CEP250: variants seen among roughly 807,000 people sequenced by gnomAD.
The protein encoded by CEP250 is centrosome-associated protein CEP250.
CEP250 carries 242 observed loss-of-function variants against 315.7 expected under a neutral mutation model. The observed-to-expected ratio is 0.77, with a 90% CI of 0.69 to 0.85. CEP250 has a LOEUF of 0.85. Ranked by LOEUF, CEP250 falls within the 40% of genes least tolerant of loss-of-function variation. The probability of loss-of-function intolerance (pLI) is 0.00; values close to 1 mark genes in which losing one functional copy is unlikely to be tolerated. For synonymous variants in CEP250, 1,088 were observed against 1,175.0 expected (o/e 0.93, Z 1.51); for missense variants, 2,515 against 2,886.4 (o/e 0.87, Z 2.95).
chr20:35,469,817 G>A (rs2062979533), intron 9 of CEP250, 73 bp from the exon 10 acceptor site: 3 of 968,274 alleles, frequency 3.1e-6, no homozygotes, highest in Non-Finnish European at 4.7e-6. Context: ...GGCTGGGGCT[G>A]GGGTGTGCTG....
rs2064431278 is a variant in CEP250 at position 35,515,918 on chromosome 20, G to C, written c.*4292G>C. The C allele has an allele frequency of 6.6e-6, 1 of 152,274 alleles. No individual in the cohort carries two copies. The highest frequency in any genetic ancestry group is 1.5e-5 in the Non-Finnish European group (1 of 68,068). The allele number at this position is 152,274 out of a possible 1,614,324, so 9.4% of individuals were successfully genotyped here. The stretch of plus-strand genomic sequence containing the variant: ...TTACTCCCTCTACCCTGCTGGAGGT[G>C]AGGATGAGAGGTGAGACTTCGTTGG... On this transcript the variant is annotated 3_prime_UTR_variant, in exon 35 of 35. Coordinates refer to ENST00000397527, the MANE Select transcript of CEP250 (RefSeq NM_007186.6).
intron 3 of CEP250, among the ~76,000 whole-genome samples, chr20:35,460,994 A>G (rs1568751037): frequency 6.6e-6 from 1 of 152,240 alleles, no homozygotes; most frequent in Admixed American, 6.5e-5. Context: ...CTCTGTGTAT[A>G]TAGCTATAAA....
chr20:35,467,111 C>T, intron 8 of CEP250, 39 bp downstream of exon 8: 1 of 1,385,624 alleles, frequency 7.2e-7, no homozygotes. Flanking sequence ...TTTGCCCCTA[C>T]CAATTCTGGA....
intron 22 of CEP250, among the ~76,000 whole-genome samples, chr20:35,492,868 C>T (rs576288756): frequency 2.0e-5 from 3 of 152,216 alleles, no homozygotes; most frequent in East Asian, 1.9e-4. Context: ...GCTGGGATTA[C>T]AGGTGCCCGC....
chr20:35,489,834 C>T (rs889117302), intron 20 of CEP250, among the ~76,000 whole-genome samples: 7 of 152,138 alleles, frequency 4.6e-5, no homozygotes, highest in Admixed American at 6.5e-5. Flanking sequence ...CAGAATTGGC[C>T]GCCTCAGTTC....
At chr20:35,462,595 C>G in intron 4 of CEP250, 42 bp downstream of exon 4, 1 of 1,524,906 alleles carries the variant, frequency 6.6e-7, no homozygotes, top group Non-Finnish European at 8.9e-7. Flanking sequence ...GAGAACAACC[C>G]CCAGAGCTAG....
chr20:35,462,593 C>A (rs1412515765), intron 4 of CEP250, 40 bp downstream of exon 4: 2 of 1,525,416 alleles, frequency 1.3e-6, no homozygotes, highest in East Asian at 2.4e-5. Context: ...AAGAGAACAA[C>A]CCCCAGAGCT....
intron 29 of CEP250, 135 bp downstream of exon 29, chr20:35,502,101 C>A: frequency 9.3e-7 from 1 of 1,073,100 alleles, no homozygotes; most frequent in Non-Finnish European, 1.3e-6. Flanking sequence ...TCCCTGGGGG[C>A]CATTATTCAG....
At chr20:35,477,487 T>C (rs1276882706) in intron 16 of CEP250, among the ~76,000 whole-genome samples, 7 of 152,214 alleles carry the variant, frequency 4.6e-5, no homozygotes, top group Non-Finnish European at 8.8e-5. Context: ...TTGGGTGAGA[T>C]AATAGCAATC....
At position 35,501,953 on chromosome 20, in the gene CEP250, G is replaced by T. The variant is rs767741329; in HGVS notation, c.4007G>T (p.Arg1336Leu). The T allele has an allele frequency of 1.2e-6, 2 of 1,612,442 alleles. No homozygotes were observed. The highest frequency in any genetic ancestry group is 1.7e-6 in the Non-Finnish European group (2 of 1,179,924). ...CGCCTGCGGAGAGCAGAGCTACAGC[G>T]AATGGAAGCCCAGGTAAAGTGGTAC... ...QSRLRRAELQ[R>L]MEAQGERELL... The change falls in exon 29 of 35, where the codon CGA (arginine) becomes CTA (leucine). Residue 1336 changes from arginine (R) to leucine (L), a missense_variant. Transcript: ENST00000397527.
At position 35,473,858 on chromosome 20, in the gene CEP250, C is replaced by T. The variant is rs1307996843; in HGVS notation, c.1389-12C>T. 2 of 1,604,912 alleles carry T rather than the reference C, an allele frequency of 1.2e-6. No homozygotes were observed. The highest frequency in any genetic ancestry group is 2.7e-5 in the African/African-American group (2 of 74,294). On this transcript the variant is annotated splice_polypyrimidine_tract_variant and intron_variant, in intron 13 of 34. Transcript: ENST00000397527. ...CTATGGTCTCTGCTCATCTCTGATT[C>T]CCTTCTTCCAGGGAGCGAGAGCTGC... is the stretch of plus-strand genomic sequence containing the variant.
intron 17 of CEP250, among the ~76,000 whole-genome samples, chr20:35,478,682 C>T (rs938612392): frequency 1.3e-5 from 2 of 152,186 alleles, no homozygotes; most frequent in African/African-American, 4.8e-5. Context: ...TACCACATTC[C>T]TCATGCTATA....
At chr20:35,479,096 G>C in intron 17 of CEP250, 135 bp from the exon 18 acceptor site, 1 of 773,974 alleles carries the variant, frequency 1.3e-6, no homozygotes, top group Non-Finnish European at 2.1e-6. Context: ...TAAATGCCAC[G>C]TGCTATTGGG....
In CEP250 at chr20:35,513,488, C is replaced by T. The variant is rs1419232824; in HGVS notation, c.*1862C>T. 6.6e-6 allele frequency: 1 copy of T among 152,164 alleles called. No individual in the cohort carries two copies. The highest frequency in any genetic ancestry group is 1.5e-5 in the Non-Finnish European group (1 of 68,044). The allele number at this position is 152,164 out of a possible 1,614,324, so 9.4% of individuals were successfully genotyped here. On this transcript the variant is annotated 3_prime_UTR_variant, in exon 35 of 35. Coordinates refer to ENST00000397527, the MANE Select transcript of CEP250 (RefSeq NM_007186.6). Reference sequence around the variant, plus strand: ...GATCAGGCTGGTCTCGAACTCCCGACCTCAGGTGATCCACCCACCTCGGCC... The same window carrying T: ...GATCAGGCTGGTCTCGAACTCCCGATCTCAGGTGATCCACCCACCTCGGCC...
rs763398872 is a variant in CEP250 at position 35,467,350 on chromosome 20, CTGTTGACCTGT to C, written c.650_660del (p.Leu217SerfsTer42). The stretch of plus-strand genomic sequence containing the variant: ...TGAGCATGTGAGGCTTTCAGGGTCT[CTGTTGACCTGT>C]TGTCTGCGCTTGACTGTGGGAGCAC... On this transcript the variant is annotated frameshift_variant, in exon 9 of 35. Coordinates refer to ENST00000397527, the MANE Select transcript of CEP250 (RefSeq NM_007186.6). LOFTEE classifies it high-confidence loss of function. 1 of 1,614,190 alleles carries C rather than the reference CTGTTGACCTGT, an allele frequency of 6.2e-7. No homozygotes were observed. Among genetic ancestry groups the C allele is most frequent in the Non-Finnish European group, 8.5e-7 (1 of 1,180,022 alleles).
intron 25 of CEP250, 58 bp downstream of exon 25, chr20:35,496,773 G>A (rs556076600): frequency 1.4e-5 from 22 of 1,565,262 alleles, no homozygotes; most frequent in African/African-American, 6.8e-5. Flanking sequence ...ATTCTGAAGC[G>A]GTGGATTGAT....
At position 35,504,642 on chromosome 20, in the gene CEP250, C is replaced by T. The variant is rs1411211897; in HGVS notation, c.6273C>T (p.Gly2091=). ...GQEREEEEIR[G]LHQSVRELQL... is the part of the protein sequence containing the mutation. ...AGAGAGAAGAGGAGGAGATAAGGGGCCTTCATCAGAGTGTAAGGGAGCTAC... is the reference window on the plus strand; with the variant it reads ...AGAGAGAAGAGGAGGAGATAAGGGGTCTTCATCAGAGTGTAAGGGAGCTAC... The change falls in exon 30 of 35, where the codon GGC becomes GGT. Residue 2091 remains glycine (G), a synonymous_variant. Transcript: ENST00000397527. The T allele has an allele frequency of 2.5e-6, 4 of 1,613,986 alleles. No individual in the cohort carries two copies. Among genetic ancestry groups the T allele is most frequent in the East Asian group, 2.2e-5 (1 of 44,890 alleles).
At chr20:35,467,171 TG>T (rs1601134188) in intron 8 of CEP250, 99 bp downstream of exon 8, 8 of 175,102 alleles carry the variant, frequency 4.6e-5, no homozygotes, top group Non-Finnish European at 7.8e-5. Flanking sequence ...GGGGGTGGGG[TG>T]GGTGGGGGAG....
At chr20:35,455,948 T>A (rs2062610868) in intron 1 of CEP250, among the ~76,000 whole-genome samples, 197 bp downstream of exon 1, 1 of 152,162 alleles carries the variant, frequency 6.6e-6, no homozygotes, top group Non-Finnish European at 1.5e-5. Context: ...CAGGCTGGAG[T>A]GCAATGGCGC....
Sources: gnomAD v4.1 joint callset for allele counts (sites outside exome capture counted in the v4.1 genomes callset) on GRCh38, gnomAD v4.1.1 for gene constraint, MANE v1.5 for transcripts, NCBI Gene and HGNC (gene_info 2026-07-23, HGNC 2026-07-21) for gene names.